Variants in NFKBID observed in about 807,000 individuals in gnomAD.
NFKBID encodes NF-kappa-B inhibitor delta.
A neutral mutation model predicts 53.4 loss-of-function variants in NFKBID; 26 were observed. The ratio of observed to expected loss-of-function variants is 0.49; its 90% CI spans 0.36 to 0.68. NFKBID has a LOEUF of 0.68. Ranked by LOEUF, NFKBID falls within the 30% of genes least tolerant of loss-of-function variation. NFKBID has a pLI of 0.00. For missense variants in NFKBID, 493 were observed against 614.1 expected, an observed-to-expected ratio of 0.80 and a Z score of 2.08; for synonymous variants, 262 against 259.8, an observed-to-expected ratio of 1.01 and a Z score of -0.08.
At chr19:35,900,827 C>CTTTCTTTTTTTTTTTTT (rs1975529581), upstream of NFKBID, among the ~76,000 whole-genome samples, 10 of 107,602 alleles carry the variant, frequency 9.3e-5, no homozygotes, top group African/African-American at 2.9e-4. Flanking sequence ...TTTTTCTTTT[C>CTTTCTTTTTTTTTTTTT]TTTTTTTTTT....
chr19:35,890,186 C>A, intron 10 of NFKBID, 132 bp from the exon 11 acceptor site: 2 of 981,726 alleles, frequency 2.0e-6, no homozygotes, highest in Admixed American at 2.5e-5. Flanking sequence ...CCGGCCACAG[C>A]CACGCTGCAT....
At chr19:35,893,300 T>C (rs1974905042) in intron 9 of NFKBID, among the ~76,000 whole-genome samples, 1 of 152,200 alleles carries the variant, frequency 6.6e-6, no homozygotes. Context: ...TTCTCTGTAT[T>C]GCCCAAATGA....
In NFKBID at chr19:35,896,890, A is replaced by G; in HGVS notation, c.578+23T>C. 1 of 1,613,798 alleles carries G rather than the reference A, an allele frequency of 6.2e-7. No individual in the cohort carries two copies. The highest frequency in any genetic ancestry group is 8.5e-7 in the Non-Finnish European group (1 of 1,179,778). ...CCCCCACCAAGCCAAGAGTCTGCAG[A>G]CAACCCTATCCCTTATACTCACGTG... On this transcript the variant is annotated intron_variant, in intron 5 of 11. Transcript: ENST00000641389. The surrounding 1 kb of genome is among the most constrained non-coding windows in gnomAD (Gnocchi z 5.7).
intron 9 of NFKBID, among the ~76,000 whole-genome samples, chr19:35,893,637 G>A (rs1008937560): frequency 2.0e-5 from 3 of 151,514 alleles, no homozygotes; most frequent in South Asian, 2.1e-4. Context: ...TGGCTAACAC[G>A]GTGAAACTGC....
chr19:35,902,006 C>G, upstream of NFKBID: 1 of 611,034 alleles, frequency 1.6e-6, no homozygotes. Context: ...GTGATCTCAC[C>G]CAGTCTTGTG....
Position 35,896,716 on chromosome 19 carries a change from C to T in NFKBID, c.684+10G>A, listed in dbSNP as rs770019027. On this transcript the variant is annotated intron_variant, in intron 6 of 11. Transcript: ENST00000641389. This position sits in a 1 kb window ranked among gnomAD's most constrained non-coding sequence, Gnocchi z 5.7. ...CCTGAACCCAGGAGAGTTCAGGCCC[C>T]AAGCCTCACCTTGCCCTTATGCTCA... 6.2e-7 allele frequency: 1 copy of T among 1,612,556 alleles called. No individual in the cohort carries two copies. Among genetic ancestry groups the T allele is most frequent in the Non-Finnish European group, 8.5e-7 (1 of 1,179,012 alleles).
upstream of NFKBID, chr19:35,901,752 G>A: frequency 5.9e-6 from 1 of 168,366 alleles, no homozygotes; most frequent in South Asian, 1.2e-4. Context: ...TTGTATTTTT[G>A]TAGAGACGGG....
chr19:35,899,581 A>AAAAAAAC (rs1975430109), intron 1 of NFKBID: 3 of 145,420 alleles, frequency 2.1e-5, no homozygotes, highest in Non-Finnish European at 4.5e-5. Context: ...AAAAAAAAAA[A>AAAAAAAC]AGGCCCATCC....
chr19:35,895,870 G>T, intron 9 of NFKBID, 110 bp downstream of exon 9: 1 of 936,388 alleles, frequency 1.1e-6, no homozygotes, highest in Non-Finnish European at 1.7e-6. Context: ...ATGTTCAAGG[G>T]CACGCAGCAA....
At chr19:35,889,901 C>A (rs1468289931) in exon 11 of NFKBID, 1 of 1,608,398 alleles carries the variant, frequency 6.2e-7, no homozygotes. Context: ...CCCTCAGGGC[C>A]CGGCCCGGGC....
chr19:35,890,455 G>C (rs754490767), exon 10 of NFKBID: 2 of 1,613,864 alleles, frequency 1.2e-6, no homozygotes, highest in East Asian at 4.5e-5. Flanking sequence ...CAGCCTGCAC[G>C]GCCAAGTGCA....
chr19:35,891,796 G>A (rs1207246811), intron 9 of NFKBID, among the ~76,000 whole-genome samples: 1 of 152,058 alleles, frequency 6.6e-6, no homozygotes, highest in Non-Finnish European at 1.5e-5. Context: ...GAACCCGGGA[G>A]GCAGAGGTTG....
intron 9 of NFKBID, among the ~76,000 whole-genome samples, chr19:35,891,442 A>C (rs1344870012): frequency 6.6e-6 from 1 of 152,108 alleles, no homozygotes; most frequent in Non-Finnish European, 1.5e-5. Flanking sequence ...GCTTATTTGG[A>C]TCTTGATTTT....
chr19:35,897,007 C>T (rs761123208), exon 5 of NFKBID: 6 of 1,607,274 alleles, frequency 3.7e-6, no homozygotes, highest in Middle Eastern at 1.7e-4. Flanking sequence ...GGGACCACAG[C>T]GGGGAACTGT....
At chr19:35,893,545 G>T (rs1038314567) in intron 9 of NFKBID, among the ~76,000 whole-genome samples, 1 of 152,156 alleles carries the variant, frequency 6.6e-6, no homozygotes, top group Non-Finnish European at 1.5e-5. Context: ...GAGAGGCCAC[G>T]CACAGTGGCT....
In NFKBID at chr19:35,889,885, C is replaced by T; in HGVS notation, c.1314+5G>A. Reference sequence around the variant, plus strand: ...ACTCTACAGGCAGGCTCAGTGCTTACTTACCCCCTCAGGGCCCGGCCCGGG... The same window carrying T: ...ACTCTACAGGCAGGCTCAGTGCTTATTTACCCCCTCAGGGCCCGGCCCGGG... On this transcript the variant is annotated splice_donor_5th_base_variant and intron_variant, in intron 11 of 11. Transcript: ENST00000641389. 6.2e-7 allele frequency: 1 copy of T among 1,602,854 alleles called. No homozygotes were observed. Among genetic ancestry groups the T allele is most frequent in the Non-Finnish European group, 8.5e-7 (1 of 1,172,788 alleles).
chr19:35,891,853 T>C (rs1974789661), intron 9 of NFKBID, among the ~76,000 whole-genome samples: 4 of 150,750 alleles, frequency 2.7e-5, no homozygotes, highest in Admixed American at 2.0e-4. Flanking sequence ...GGCAACAGAG[T>C]GAGACTCCGT....
chr19:35,892,903 CG>C (rs2039173204), intron 9 of NFKBID, among the ~76,000 whole-genome samples: 1 of 152,186 alleles, frequency 6.6e-6, no homozygotes, highest in Non-Finnish European at 1.5e-5. Flanking sequence ...CAGCAGCTCA[CG>C]CCTGTAATCC....
chr19:35,888,763 G>A (rs752181719), intron 11 of NFKBID, 151 bp from the exon 12 acceptor site: 5 of 658,576 alleles, frequency 7.6e-6, no homozygotes, highest in Non-Finnish European at 1.4e-5. Flanking sequence ...GATTTTGGAA[G>A]AGCCAGGTGC....
Sources: allele counts gnomAD v4.1 joint callset (sites outside exome capture counted in the v4.1 genomes callset), GRCh38; gene constraint gnomAD v4.1.1; non-coding constraint Gnocchi (gnomAD v3.1); transcripts MANE v1.5; gene names NCBI Gene and HGNC (gene_info 2026-07-23, HGNC 2026-07-21).